Variants in C10orf67 observed in about 807,000 individuals in gnomAD.
The protein encoded by C10orf67 is chromosome 10 open reading frame 67, also known as uncharacterized protein C10orf67, mitochondrial.
A neutral mutation model predicts 35.6 loss-of-function variants in C10orf67; 60 were observed. The ratio of observed to expected loss-of-function variants is 1.68; its 90% CI spans 1.37 to 2.09. C10orf67 has a LOEUF of 2.09. C10orf67 is among the 30% of genes most tolerant of loss of function. The probability of loss-of-function intolerance (pLI) is 0.00; values close to 1 mark genes in which losing one functional copy is unlikely to be tolerated. For synonymous variants in C10orf67, 167 were observed against 115.8 expected, an observed-to-expected ratio of 1.44 and a Z score of -2.84; for missense variants, 474 against 330.2, an observed-to-expected ratio of 1.44 and a Z score of -3.38.
Position 23,320,783 on chromosome 10 carries a change from CT to C in C10orf67, c.503del (p.Gln168ArgfsTer3). On this transcript the variant is annotated frameshift_variant, in exon 4 of 16. Transcript: ENST00000636213. LOFTEE classifies it high-confidence loss of function. Reference sequence around the variant, plus strand: ...TAACAGCTATGGCATCAGCTAACTGCTGATTGAAGGATTTTCTCATCTTATC... The same window carrying C: ...TAACAGCTATGGCATCAGCTAACTGCGATTGAAGGATTTTCTCATCTTATC... ...NEDKMRKSFNQQLADAIAVIK... is the reference protein window; with the variant it reads ...NEDKMRKSFNXQLADAIAVIK... 1 of 1,591,450 alleles carries C rather than the reference CT, an allele frequency of 6.3e-7. No individual in the cohort carries two copies. Among genetic ancestry groups the C allele is most frequent in the Non-Finnish European group, 8.6e-7 (1 of 1,168,322 alleles).
chr10:23,286,990 G>GA (rs1326831289), intron 7 of C10orf67, among the ~76,000 whole-genome samples: 2 of 152,014 alleles, frequency 1.3e-5, no homozygotes, highest in African/African-American at 2.4e-5. Flanking sequence ...ACAAACAAAT[G>GA]AAAAAACATT....
At position 23,260,922 on chromosome 10, in the gene C10orf67, T is replaced by C. The variant is rs4592323; in HGVS notation, c.1200+5340A>G. Among the ~76,000 whole-genome samples the C allele has an allele frequency of 3.1e-3, 471 of 152,366 alleles. 14 individuals are homozygous for C. The East Asian group carries it at 0.05, about 16-fold the overall frequency. ...AAAGACCTTTCAAATATTCTTATGC[T>C]TTATTTAATGTAAACCAGACAGAAA... On this transcript the variant is annotated intron_variant, in intron 10 of 15. Coordinates refer to ENST00000636213, the MANE Select transcript of C10orf67 (RefSeq NM_001371909.1).
intron 10 of C10orf67, among the ~76,000 whole-genome samples, chr10:23,257,959 A>G (rs1022210010): frequency 6.6e-6 from 1 of 152,162 alleles, no homozygotes; most frequent in Non-Finnish European, 1.5e-5. Flanking sequence ...GGGTGTGTGT[A>G]TGTATAGTCT....
chr10:23,342,944 A>G (rs1845962578), intron 1 of C10orf67, among the ~76,000 whole-genome samples: 1 of 152,228 alleles, frequency 6.6e-6, no homozygotes, highest in Non-Finnish European at 1.5e-5. Context: ...TACAACGGTA[A>G]GTTCTCCCAT....
At chr10:23,305,965 G>A (rs773745389) in intron 4 of C10orf67, among the ~76,000 whole-genome samples, 2 of 139,844 alleles carry the variant, frequency 1.4e-5, no homozygotes, top group Non-Finnish European at 3.0e-5. Context: ...CGTTACATAC[G>A]CGCACACACA....
intron 7 of C10orf67, among the ~76,000 whole-genome samples, chr10:23,285,370 T>C (rs570446064): frequency 1.9e-4 from 28 of 148,542 alleles, no homozygotes; most frequent in African/African-American, 5.9e-4. Flanking sequence ...TAATTTGTTA[T>C]ATATATTATA....
chr10:23,321,501 C>T (rs952175101), intron 3 of C10orf67, among the ~76,000 whole-genome samples: 5 of 152,142 alleles, frequency 3.3e-5, no homozygotes, highest in Non-Finnish European at 7.4e-5. Flanking sequence ...CCTGAGCCAT[C>T]GCCTCCCAGC....
chr10:23,221,635 T>C (rs1014535267), intron 15 of C10orf67, among the ~76,000 whole-genome samples: 2 of 152,200 alleles, frequency 1.3e-5, no homozygotes, highest in Admixed American at 6.5e-5. Flanking sequence ...ATATTGCCAC[T>C]GTGCAAAGCT....
chr10:23,265,662 T>A, intron 10 of C10orf67, among the ~76,000 whole-genome samples: 1 of 152,210 alleles, frequency 6.6e-6, no homozygotes, highest in East Asian at 1.9e-4. Context: ...TATAATGTAG[T>A]GAGCAGTGCC....
intron 2 of C10orf67, 44 bp downstream of exon 2, chr10:23,333,006 GAAGGCAATTAAC>G: frequency 6.5e-7 from 1 of 1,547,122 alleles, no homozygotes. Flanking sequence ...AAAGAAACAT[GAAGGCAATTAAC>G]GCCAAAAATT....
At chr10:23,228,536 C>A (rs1311764617) in intron 13 of C10orf67, among the ~76,000 whole-genome samples, 1 of 152,166 alleles carries the variant, frequency 6.6e-6, no homozygotes, top group Non-Finnish European at 1.5e-5. Flanking sequence ...TGGGCAAGGA[C>A]TTCATCTCTA....
chr10:23,218,387 A>T (rs1329000548), intron 15 of C10orf67, among the ~76,000 whole-genome samples: 1 of 150,032 alleles, frequency 6.7e-6, no homozygotes, highest in Non-Finnish European at 1.5e-5. Flanking sequence ...AGCACAACAT[A>T]TCCACCTGCC....
chr10:23,293,051 G>A (rs762529548), intron 5 of C10orf67, among the ~76,000 whole-genome samples: 1 of 152,064 alleles, frequency 6.6e-6, no homozygotes, highest in Non-Finnish European at 1.5e-5. Context: ...GCCTTAATAG[G>A]CTTAAGCATA....
chr10:23,300,535 CTTAT>C (rs1245107275), intron 5 of C10orf67, among the ~76,000 whole-genome samples: 4 of 152,220 alleles, frequency 2.6e-5, no homozygotes, highest in Admixed American at 2.6e-4. Flanking sequence ...GAGTAATAAA[CTTAT>C]TTATCCTTTA....
In C10orf67 at chr10:23,268,725, A is replaced by G. The variant is rs924784975; in HGVS notation, c.976-1471T>C. Among the ~76,000 whole-genome samples, 44 of 152,246 alleles carry G rather than the reference A, an allele frequency of 2.9e-4. 1 individual carries two copies. Among genetic ancestry groups the G allele is most frequent in the Admixed American group, 1.3e-4 (2 of 15,284 alleles). ...GAGAAATGTGTCATTAGGCAATTTT[A>G]TCATGTGCATACATTAGAGTGTACT... On this transcript the variant is annotated intron_variant, in intron 8 of 15. Coordinates refer to ENST00000636213, the MANE Select transcript of C10orf67 (RefSeq NM_001371909.1).
At chr10:23,231,755 T>C (rs1469279109) in intron 13 of C10orf67, among the ~76,000 whole-genome samples, 1 of 152,174 alleles carries the variant, frequency 6.6e-6, no homozygotes, top group Non-Finnish European at 1.5e-5. Flanking sequence ...CCAACCTAAG[T>C]GTTGATGAGC....
chr10:23,295,718 C>T (rs191256203), intron 5 of C10orf67, among the ~76,000 whole-genome samples: 66 of 152,286 alleles, frequency 4.3e-4, no homozygotes, highest in African/African-American at 1.6e-3. Flanking sequence ...AGTTTTTAGT[C>T]TTTTCTATTA....
intron 12 of C10orf67, among the ~76,000 whole-genome samples, chr10:23,244,661 T>C (rs1032274810): frequency 1.3e-5 from 2 of 152,142 alleles, no homozygotes; most frequent in Non-Finnish European, 2.9e-5. Flanking sequence ...AAGATCTGTA[T>C]CTTGAAAACT....
intron 15 of C10orf67, among the ~76,000 whole-genome samples, chr10:23,221,909 A>G (rs990195801): frequency 6.6e-6 from 1 of 152,206 alleles, no homozygotes; most frequent in Non-Finnish European, 1.5e-5. Flanking sequence ...AGGGAAGAAC[A>G]TTACATGTCA....
Sources: gnomAD v4.1 joint callset for allele counts (sites outside exome capture counted in the v4.1 genomes callset) on GRCh38, gnomAD v4.1.1 for gene constraint, MANE v1.5 for transcripts, NCBI Gene and HGNC (gene_info 2026-07-23, HGNC 2026-07-21) for gene names.